SPECC1L: variants seen among roughly 807,000 people sequenced by gnomAD.
SPECC1L encodes sperm antigen with calponin homology and coiled-coil domains 1 like.
A neutral mutation model predicts 116.8 loss-of-function variants in SPECC1L; 40 were observed. That is an observed-to-expected ratio of 0.34 (90% CI 0.27 to 0.45). The LOEUF is 0.45. Among genes scored for constraint, SPECC1L ranks in the 20% least tolerant of loss-of-function variants. The pLI, the probability that SPECC1L is intolerant of heterozygous loss-of-function variation, is 1.00. For synonymous variants in SPECC1L, 504 were observed against 500.6 expected, an observed-to-expected ratio of 1.01 and a Z score of -0.09; for missense variants, 1,110 against 1,373.6, an observed-to-expected ratio of 0.81 and a Z score of 3.03.
intron 13 of SPECC1L, among the ~76,000 whole-genome samples, chr22:24,366,019 C>T (rs559900722): frequency 9.6e-4 from 146 of 151,828 alleles, no homozygotes; most frequent in Middle Eastern, 3.4e-3. Flanking sequence ...AGGTCAGTAA[C>T]TTGAGGGGAT....
chr22:24,349,497 G>T (rs759362014), intron 11 of SPECC1L, among the ~76,000 whole-genome samples: 2 of 152,098 alleles, frequency 1.3e-5, no homozygotes, highest in African/African-American at 4.8e-5. Context: ...TGCATCTCTC[G>T]CCTGTTCTTC....
At chr22:24,345,814 T>G (rs1434189942) in intron 10 of SPECC1L, among the ~76,000 whole-genome samples, 1 of 152,126 alleles carries the variant, frequency 6.6e-6, no homozygotes, top group Non-Finnish European at 1.5e-5. Flanking sequence ...CTGATGGGAA[T>G]ATGAAATAAA....
At chr22:24,367,568 C>T (rs923513419) in intron 13 of SPECC1L, among the ~76,000 whole-genome samples, 1 of 152,048 alleles carries the variant, frequency 6.6e-6, no homozygotes, top group African/African-American at 2.4e-5. Context: ...TAAAGCAAAG[C>T]AGGAATGTTA....
At chr22:24,301,818 G>A (rs569575682) in intron 2 of SPECC1L, among the ~76,000 whole-genome samples, 1 of 152,062 alleles carries the variant, frequency 6.6e-6, no homozygotes. Flanking sequence ...AGGCTGAGGC[G>A]AGTGGATCAC....
rs1040190126 is a variant in SPECC1L, at chr22:24,295,558, A to G, written c.-37-6637A>G. Among the ~76,000 whole-genome samples the G allele has an allele frequency of 3.9e-4, 59 of 152,142 alleles. 4 individuals are homozygous for G. On this transcript the variant is annotated intron_variant, in intron 2 of 16. Coordinates refer to ENST00000314328, the MANE Select transcript of SPECC1L (RefSeq NM_015330.6). ...TACTTTTACAGCTCTAATTTAATAC[A>G]TATTGATCTAGACCTGGCAATAAAT...
chr22:24,379,964 A>G (rs906321366), intron 14 of SPECC1L, among the ~76,000 whole-genome samples: 1 of 152,152 alleles, frequency 6.6e-6, no homozygotes, highest in Admixed American at 6.5e-5. Context: ...CCTGGGATGC[A>G]TCTCCATCTC....
At chr22:24,377,190 T>C (rs1002281401) in intron 14 of SPECC1L, among the ~76,000 whole-genome samples, 1 of 152,232 alleles carries the variant, frequency 6.6e-6, no homozygotes, top group Non-Finnish European at 1.5e-5. Context: ...ACCTCATTCC[T>C]TTTTATGGCC....
chr22:24,394,195 C>T (rs2146748544), intron 14 of SPECC1L, among the ~76,000 whole-genome samples: 1 of 152,284 alleles, frequency 6.6e-6, no homozygotes, highest in African/African-American at 2.4e-5. Flanking sequence ...ACTACTGTAA[C>T]AAAGTACCAT....
chr22:24,408,878 C>T (rs760419946), intron 14 of SPECC1L, among the ~76,000 whole-genome samples: 3 of 152,226 alleles, frequency 2.0e-5, no homozygotes, highest in Non-Finnish European at 4.4e-5. Flanking sequence ...TCCACGTGGT[C>T]TGCTGCTGTG....
intron 10 of SPECC1L, among the ~76,000 whole-genome samples, chr22:24,343,207 T>C (rs1361867511): frequency 1.3e-5 from 2 of 152,040 alleles, no homozygotes; most frequent in East Asian, 1.9e-4. Flanking sequence ...AAAAATTCTT[T>C]TTTTGAGGAA....
rs988105396 is a variant in SPECC1L, at chr22:24,416,932, A to G, written c.*2309A>G. ...CCCTCCTTGGGGAAGGTTTGCGTGCAGAGCTGCAAGGGAGAGGGTTCCAGA... is the reference window on the plus strand; with the variant it reads ...CCCTCCTTGGGGAAGGTTTGCGTGCGGAGCTGCAAGGGAGAGGGTTCCAGA... On this transcript the variant is annotated 3_prime_UTR_variant, in exon 17 of 17. Coordinates refer to ENST00000314328, the MANE Select transcript of SPECC1L (RefSeq NM_015330.6). 4 of 152,356 alleles carry G rather than the reference A, an allele frequency of 2.6e-5. No individual in the cohort carries two copies. Among genetic ancestry groups the G allele is most frequent in the Non-Finnish European group, 4.4e-5 (3 of 68,126 alleles). The allele number at this position is 152,356 out of a possible 1,614,324, so 9.4% of individuals were successfully genotyped here.
chr22:24,325,674 A>C (rs1772931317), intron 6 of SPECC1L, among the ~76,000 whole-genome samples: 1 of 152,068 alleles, frequency 6.6e-6, no homozygotes, highest in Non-Finnish European at 1.5e-5. Context: ...TGAATGAAAA[A>C]AGGTCAATAA....
At chr22:24,375,699 A>T (rs2041957926) in intron 14 of SPECC1L, among the ~76,000 whole-genome samples, 1 of 152,196 alleles carries the variant, frequency 6.6e-6, no homozygotes. Context: ...TTATGCCTGT[A>T]ATCCCAGTAC....
chr22:24,321,153 C>A, intron 4 of SPECC1L, 135 bp from the exon 5 acceptor site: 2 of 1,008,078 alleles, frequency 2.0e-6, no homozygotes, highest in South Asian at 1.3e-5. Context: ...GACTCTAAGG[C>A]AAGATTATTG....
chr22:24,329,060 A>G, intron 7 of SPECC1L, 141 bp downstream of exon 7: 1 of 711,888 alleles, frequency 1.4e-6, no homozygotes, highest in Non-Finnish European at 2.5e-6. Flanking sequence ...GCAGAAAGCA[A>G]ATGCTATCAT....
At chr22:24,277,048 T>C (rs202072493) in intron 2 of SPECC1L, among the ~76,000 whole-genome samples, 6,495 of 88,010 alleles carry the variant, frequency 0.074, no homozygotes, top group Middle Eastern at 0.12. Flanking sequence ...CTGCAAATTC[T>C]GTTGAATCAT....
In SPECC1L at chr22:24,358,204, TC is replaced by T. The variant is rs550027390; in HGVS notation, c.2744-5055del. On this transcript the variant is annotated intron_variant, in intron 11 of 16. Transcript: ENST00000314328. ...ATCCTCACTCACTGCAGTCTCGACTTCCTGGGCTCAAGCTGTCCTCCCACGT... is the reference window on the plus strand; with the variant it reads ...ATCCTCACTCACTGCAGTCTCGACTTCTGGGCTCAAGCTGTCCTCCCACGT... Among the ~76,000 whole-genome samples the T allele has an allele frequency of 9.2e-5, 14 of 151,606 alleles. No individual in the cohort carries two copies. In the South Asian group the frequency reaches 2.1e-3, roughly 23 times the overall value.
At chr22:24,276,954 G>C (rs2146324768) in intron 2 of SPECC1L, among the ~76,000 whole-genome samples, 151 bp downstream of exon 2, 1 of 152,266 alleles carries the variant, frequency 6.6e-6, no homozygotes, top group Non-Finnish European at 1.5e-5. Context: ...CTTCTTGCTT[G>C]CTTTTTAAAA....
chr22:24,279,146 C>A (rs1355561664), intron 2 of SPECC1L, among the ~76,000 whole-genome samples: 1 of 152,100 alleles, frequency 6.6e-6, no homozygotes, highest in African/African-American at 2.4e-5. Flanking sequence ...TTATATTGCC[C>A]TATTAATTAT....
Sources: allele counts gnomAD v4.1 joint callset (sites outside exome capture counted in the v4.1 genomes callset), GRCh38; gene constraint gnomAD v4.1.1; transcripts MANE v1.5; gene names NCBI Gene and HGNC (gene_info 2026-07-23, HGNC 2026-07-21).